TYR: variants seen among roughly 807,000 people sequenced by gnomAD.
TYR encodes the protein LB24-AB.
Under a neutral mutation model 51.5 loss-of-function variants are expected in TYR, and 58 were observed. The ratio of observed to expected loss-of-function variants is 1.13; its 90% CI spans 0.91 to 1.40. The LOEUF (loss-of-function observed/expected upper bound fraction) is 1.40, where lower values mean the gene tolerates loss of function less well. Ranked by LOEUF, TYR falls within the 40% of genes most tolerant of loss-of-function variation. The pLI, the probability that TYR is intolerant of heterozygous loss-of-function variation, is 0.00. For missense variants in TYR, 732 were observed against 647.4 expected, an observed-to-expected ratio of 1.13 and a Z score of -1.42; for synonymous variants, 263 against 235.2, an observed-to-expected ratio of 1.12 and a Z score of -1.08.
intron 2 of TYR, among the ~76,000 whole-genome samples, chr11:89,208,039 C>G (rs999964377): frequency 6.6e-6 from 1 of 152,082 alleles, no homozygotes; most frequent in African/African-American, 2.4e-5. Context: ...GAGGCCAAGG[C>G]GGGGGGATCA....
At chr11:89,182,156 A>G (rs1943308521) in intron 1 of TYR, among the ~76,000 whole-genome samples, 1 of 152,202 alleles carries the variant, frequency 6.6e-6, no homozygotes, top group Non-Finnish European at 1.5e-5. Flanking sequence ...TGTATCTGCC[A>G]GCCTGTCAGT....
At chr11:89,257,235 G>T (rs1299161781) in intron 3 of TYR, among the ~76,000 whole-genome samples, 2 of 151,932 alleles carry the variant, frequency 1.3e-5, no homozygotes, top group African/African-American at 4.8e-5. Flanking sequence ...GTTGGGGCTG[G>T]AAACAATAGC....
intron 2 of TYR, among the ~76,000 whole-genome samples, chr11:89,195,654 G>C (rs1256654906): frequency 1.3e-5 from 2 of 150,970 alleles, no homozygotes; most frequent in East Asian, 3.9e-4. Flanking sequence ...ACTCCAGCCT[G>C]AGTGAGACTC....
In TYR at chr11:89,178,284, A is replaced by T; in HGVS notation, c.331A>T (p.Asn111Tyr). ...GNCKFGFWGP[N>Y]CTERRLLVRR... is the part of the protein sequence containing the mutation. ...CTGCAAGTTTGGCTTTTGGGGACCA[A>T]ACTGCACAGAGAGACGACTCTTGGT... is the stretch of plus-strand genomic sequence containing the variant. Residue 111 changes from asparagine (N) to tyrosine (Y), a missense_variant, in exon 1 of 5, where the codon AAC becomes TAC. Asn to Tyr is a moderately radical substitution (Grantham distance 143). Transcript: ENST00000263321. The T allele has an allele frequency of 3.7e-6, 6 of 1,614,184 alleles. No homozygotes were observed. The highest frequency in any genetic ancestry group is 1.1e-5 in the South Asian group (1 of 91,086).
intron 3 of TYR, among the ~76,000 whole-genome samples, chr11:89,260,683 G>A (rs1944446986): frequency 6.6e-6 from 1 of 152,138 alleles, no homozygotes; most frequent in South Asian, 2.1e-4. Flanking sequence ...CTTTGAGTTT[G>A]TAACTTATTT....
At position 89,237,296 on chromosome 11, in the gene TYR, C is replaced by A. The variant is rs138354878; in HGVS notation, c.1184+9326C>A. ...TATTGCCCAGACCCATGTCATGGAG[C>A]GTTCCCCCCATTTTCTTCTAGCAGT... On this transcript the variant is annotated intron_variant, in intron 3 of 4. Coordinates refer to ENST00000263321, the MANE Select transcript of TYR (RefSeq NM_000372.5). Among the ~76,000 whole-genome samples the A allele has an allele frequency of 5.9e-5, 9 of 152,182 alleles. No homozygotes were observed. The East Asian group carries it at 9.7e-4, about 16-fold the overall frequency.
At chr11:89,267,546 AAT>A (rs1203993051) in intron 3 of TYR, among the ~76,000 whole-genome samples, 1 of 151,956 alleles carries the variant, frequency 6.6e-6, no homozygotes, top group African/African-American at 2.4e-5. Context: ...CTATTTTCTG[AAT>A]ATATGTTTTG....
intron 3 of TYR, among the ~76,000 whole-genome samples, chr11:89,238,651 CCTT>C (rs1239232609): frequency 6.6e-6 from 1 of 151,994 alleles, no homozygotes; most frequent in Non-Finnish European, 1.5e-5. Flanking sequence ...GAGTGGGTAT[CCTT>C]GTCTTCTTCC....
At chr11:89,205,192 A>G (rs528517443) in intron 2 of TYR, among the ~76,000 whole-genome samples, 5 of 152,274 alleles carry the variant, frequency 3.3e-5, no homozygotes, top group Admixed American at 6.5e-5. Context: ...TGGAAGATAG[A>G]AAAATAGAAA....
In TYR at chr11:89,286,963, T is replaced by G. The variant is rs537778763; in HGVS notation, c.1366+2009T>G. Among the ~76,000 whole-genome samples, 3 of 152,034 alleles carry G rather than the reference T, an allele frequency of 2.0e-5. No homozygotes were observed. The East Asian group carries it at 5.8e-4, about 30-fold the overall frequency. On this transcript the variant is annotated intron_variant, in intron 4 of 4. Coordinates refer to ENST00000263321, the MANE Select transcript of TYR (RefSeq NM_000372.5). Reference sequence around the variant, plus strand: ...TTCCATTTCCAAAACACGCTAGACTTTCATGGGTTCATGCTTTTAAATATG... The same window carrying G: ...TTCCATTTCCAAAACACGCTAGACTGTCATGGGTTCATGCTTTTAAATATG...
At position 89,178,067 on chromosome 11, in the gene TYR, G is replaced by A. The variant is rs1939261; in HGVS notation, c.114G>A (p.Pro38=). 2.8e-3 allele frequency: 4,522 copies of A among 1,614,160 alleles called. 106 individuals carry two copies. The African/African-American group carries it at 0.051, about 18-fold the overall frequency. Reference sequence around the variant, plus strand: ...TGATGGAGAAGGAATGCTGTCCACCGTGGAGCGGGGACAGGAGTCCCTGTG... The same window carrying A: ...TGATGGAGAAGGAATGCTGTCCACCATGGAGCGGGGACAGGAGTCCCTGTG... The part of the protein sequence containing the change: ...KNLMEKECCP[P]WSGDRSPCGQ... The change falls in exon 1 of 5, where the codon CCG becomes CCA. Residue 38 remains proline (P), a synonymous_variant. Coordinates refer to ENST00000263321, the MANE Select transcript of TYR (RefSeq NM_000372.5).
intron 3 of TYR, among the ~76,000 whole-genome samples, chr11:89,242,267 G>C (rs1944207274): frequency 1.3e-5 from 2 of 152,054 alleles, no homozygotes; most frequent in African/African-American, 4.8e-5. Context: ...GAGTGCAGTG[G>C]TGCAATCTCA....
At chr11:89,202,385 AG>A (rs963818618) in intron 2 of TYR, among the ~76,000 whole-genome samples, 16 of 152,014 alleles carry the variant, frequency 1.1e-4, no homozygotes, top group Non-Finnish European at 1.9e-4. Context: ...GCACAGTAAA[AG>A]CACACACTGT....
At chr11:89,249,051 G>T (rs1482320533) in intron 3 of TYR, among the ~76,000 whole-genome samples, 1 of 152,074 alleles carries the variant, frequency 6.6e-6, no homozygotes, top group African/African-American at 2.4e-5. Flanking sequence ...ATTTAGCAAA[G>T]AAAATGAACT....
chr11:89,269,376 C>A (rs773786999), intron 3 of TYR, among the ~76,000 whole-genome samples: 7 of 151,834 alleles, frequency 4.6e-5, no homozygotes, highest in Non-Finnish European at 8.8e-5. Flanking sequence ...TATTTGAGTG[C>A]AATTTCTGCC....
At chr11:89,200,681 A>G (rs1023108594) in intron 2 of TYR, 5 of 152,152 alleles carry the variant, frequency 3.3e-5, no homozygotes, top group African/African-American at 1.2e-4. Flanking sequence ...GAATGAGATT[A>G]CTTTATATTT....
intron 4 of TYR, among the ~76,000 whole-genome samples, chr11:89,289,764 G>A (rs958440000): frequency 3.3e-5 from 5 of 151,990 alleles, no homozygotes; most frequent in Admixed American, 6.6e-5. Context: ...ATAAATGGAC[G>A]TTTGTGCCAA....
chr11:89,223,984 T>A (rs946795005), intron 2 of TYR, among the ~76,000 whole-genome samples: 2 of 151,498 alleles, frequency 1.3e-5, no homozygotes, highest in African/African-American at 4.9e-5. Flanking sequence ...TAGTGAGTAA[T>A]GAAATACCAG....
intron 1 of TYR, among the ~76,000 whole-genome samples, chr11:89,190,016 G>A (rs1296838597): frequency 3.9e-5 from 6 of 152,056 alleles, no homozygotes; most frequent in African/African-American, 9.7e-5. Flanking sequence ...TCATGTCTTC[G>A]TGGTGATGCT....
Sources: allele counts gnomAD v4.1 joint callset (sites outside exome capture counted in the v4.1 genomes callset), GRCh38; gene constraint gnomAD v4.1.1; transcripts MANE v1.5; gene names NCBI Gene and HGNC (gene_info 2026-07-23, HGNC 2026-07-21).